Variants in ILRUN observed in about 807,000 individuals in gnomAD.
ILRUN encodes protein ILRUN.
Under a neutral mutation model 33.8 loss-of-function variants are expected in ILRUN, and 3 were observed. The observed-to-expected ratio is 0.09, with a 90% CI of 0.04 to 0.23. ILRUN has a LOEUF of 0.23. ILRUN is among the 10% of genes least tolerant of loss of function. The probability of loss-of-function intolerance (pLI) is 1.00; values close to 1 mark genes in which losing one functional copy is unlikely to be tolerated. For missense variants in ILRUN, 210 were observed against 375.1 expected (o/e 0.56, Z 3.64); for synonymous variants, 124 against 138.9 (o/e 0.89, Z 0.75).
intron 4 of ILRUN, among the ~76,000 whole-genome samples, chr6:34,597,183 A>C (rs1329185763): frequency 6.6e-6 from 1 of 152,242 alleles, no homozygotes; most frequent in South Asian, 2.1e-4. Flanking sequence ...CAAAGTTTCT[A>C]CGTGGAGGTA....
chr6:34,630,603 C>T (rs1209568198), intron 3 of ILRUN, among the ~76,000 whole-genome samples: 2 of 152,138 alleles, frequency 1.3e-5, no homozygotes, highest in Admixed American at 6.6e-5. Flanking sequence ...AGGATGGCTT[C>T]GATCTCTTGA....
intron 2 of ILRUN, among the ~76,000 whole-genome samples, chr6:34,650,819 A>G (rs761742057): frequency 6.6e-6 from 1 of 152,144 alleles, no homozygotes. Context: ...GGACAACTAT[A>G]TGCGATTCCT....
chr6:34,641,078 CAAAAAAAAAA>C (rs752197549), intron 3 of ILRUN, among the ~76,000 whole-genome samples: 2 of 77,120 alleles, frequency 2.6e-5, no homozygotes, highest in African/African-American at 9.3e-5. Context: ...GACTCCATCT[CAAAAAAAAAA>C]AAAAAAAAAC....
chr6:34,685,628 ACCACCGCG>A (rs1347045183), intron 1 of ILRUN: 2 of 152,190 alleles, frequency 1.3e-5, no homozygotes, highest in African/African-American at 4.8e-5. Flanking sequence ...ACAAGCGTGC[ACCACCGCG>A]CCTGGCAAAT....
chr6:34,624,087 C>T (rs1347868657), intron 3 of ILRUN, among the ~76,000 whole-genome samples: 1 of 152,178 alleles, frequency 6.6e-6, no homozygotes, highest in African/African-American at 2.4e-5. Context: ...CCACCTTGGC[C>T]TCCCAAAGTG....
chr6:34,619,756 G>A (rs1442413236), intron 3 of ILRUN, among the ~76,000 whole-genome samples: 3 of 152,050 alleles, frequency 2.0e-5, no homozygotes, highest in Non-Finnish European at 4.4e-5. Context: ...AGGCTGAGGC[G>A]GGTGGATCAC....
chr6:34,677,993 C>A (rs1053732970), intron 1 of ILRUN, among the ~76,000 whole-genome samples: 1 of 150,638 alleles, frequency 6.6e-6, no homozygotes, highest in Non-Finnish European at 1.5e-5. Flanking sequence ...AGGTGTGCAC[C>A]ACTGTGTCTG....
At chr6:34,616,708 C>G (rs1761899694) in intron 3 of ILRUN, 2 of 825,860 alleles carry the variant, frequency 2.4e-6, no homozygotes, top group Admixed American at 1.9e-5. Flanking sequence ...AGCAGATGCA[C>G]AGAACTGAAA....
intron 2 of ILRUN, among the ~76,000 whole-genome samples, chr6:34,647,573 T>C (rs1457174414): frequency 6.6e-6 from 1 of 152,004 alleles, no homozygotes; most frequent in African/African-American, 2.4e-5. Flanking sequence ...ACAGGTTAAA[T>C]TTAACCTGTA....
intron 3 of ILRUN, among the ~76,000 whole-genome samples, chr6:34,636,126 T>C (rs1463148411): frequency 6.6e-6 from 1 of 152,106 alleles, no homozygotes; most frequent in Non-Finnish European, 1.5e-5. Flanking sequence ...GCCAGGTAGG[T>C]AGTCCCAGCT....
chr6:34,660,164 A>C (rs1340062261), intron 1 of ILRUN, among the ~76,000 whole-genome samples: 1 of 151,494 alleles, frequency 6.6e-6, no homozygotes, highest in Non-Finnish European at 1.5e-5. Context: ...TCAGCCAGGC[A>C]TGGTGGCATA....
intron 1 of ILRUN, among the ~76,000 whole-genome samples, chr6:34,690,099 T>C (rs1763614868): frequency 6.6e-6 from 1 of 152,202 alleles, no homozygotes; most frequent in Admixed American, 6.5e-5. Context: ...GTTATTTGAC[T>C]CTTGTTACTA....
chr6:34,665,815 T>A (rs908714091), intron 1 of ILRUN, among the ~76,000 whole-genome samples: 1 of 152,084 alleles, frequency 6.6e-6, no homozygotes, highest in Non-Finnish European at 1.5e-5. Context: ...CAGTGAAAAA[T>A]GCATAGGCTT....
chr6:34,693,955 AC>A (rs766153234), intron 1 of ILRUN, among the ~76,000 whole-genome samples: 2 of 151,950 alleles, frequency 1.3e-5, no homozygotes, highest in Non-Finnish European at 2.9e-5. Context: ...AGTAGCTGGT[AC>A]TACAGGTGCA....
chr6:34,601,804 TGATTTCTGATGTAACAGAAGCA>T, intron 4 of ILRUN, among the ~76,000 whole-genome samples: 1 of 151,940 alleles, frequency 6.6e-6, no homozygotes, highest in South Asian at 2.1e-4. Context: ...GAAAAAGAGC[TGATTTCTGATGTAACAGAAGCA>T]GACTGACTCC....
At chr6:34,613,263 TCAAA>T (rs762243837) in intron 3 of ILRUN, among the ~76,000 whole-genome samples, 2 of 151,728 alleles carry the variant, frequency 1.3e-5, no homozygotes, top group African/African-American at 2.4e-5. Context: ...CCAAAGCCAA[TCAAA>T]CAAATTTTTA....
intron 3 of ILRUN, among the ~76,000 whole-genome samples, chr6:34,641,567 A>G (rs1223439196): frequency 1.3e-5 from 2 of 152,194 alleles, no homozygotes; most frequent in African/African-American, 4.8e-5. Context: ...GAAACATTTC[A>G]TGTTTATCCT....
chr6:34,601,503 T>A (rs887582804), intron 4 of ILRUN, among the ~76,000 whole-genome samples: 8 of 152,178 alleles, frequency 5.3e-5, no homozygotes, highest in Admixed American at 5.2e-4. Flanking sequence ...ACTAGCCCAG[T>A]TGAGGACACC....
rs1762570021 is a variant in ILRUN at position 34,646,690 on chromosome 6, T to A, written c.422A>T (p.Asp141Val). Residue 141 changes from aspartate to valine, a missense_variant, in exon 3 of 5, where the codon GAT becomes GTT. This residue lies in a region of ILRUN where 60 missense variants were observed against 138.1 expected (regional missense o/e 0.43). Coordinates refer to ENST00000374023, the MANE Select transcript of ILRUN (RefSeq NM_024294.4). The surrounding 1 kb of genome is among the most constrained non-coding windows in gnomAD (Gnocchi z 4.9). ...VRSLEPQEIA[D>V]VSVQMCSPSR... ...GGGGCTGCACATCTGGACGCTGACATCTGCAATCTCTTGGGGCTCTAGCGA... is the reference window on the plus strand; with the variant it reads ...GGGGCTGCACATCTGGACGCTGACAACTGCAATCTCTTGGGGCTCTAGCGA... The A allele has an allele frequency of 6.2e-7, 1 of 1,614,070 alleles. No homozygotes were observed. Among genetic ancestry groups the A allele is most frequent in the Admixed American group, 1.7e-5 (1 of 60,002 alleles).
Sources: gnomAD v4.1 joint callset for allele counts (sites outside exome capture counted in the v4.1 genomes callset) on GRCh38, gnomAD v4.1.1 for gene constraint, gnomAD v4.1.1 regional missense constraint, Gnocchi (gnomAD v3.1) non-coding constraint, MANE v1.5 for transcripts, NCBI Gene and HGNC (gene_info 2026-07-23, HGNC 2026-07-21) for gene names.